The following NTRK2 variants were observed in gnomAD, a reference collection of about 807,000 sequenced individuals.
NTRK2 encodes BDNF/NT-3 growth factors receptor.
Under a neutral mutation model 94.5 loss-of-function variants are expected in NTRK2, and 13 were observed. That is an observed-to-expected ratio of 0.14 (90% confidence interval 0.09 to 0.22). The LOEUF is 0.22. Ranked by LOEUF, NTRK2 falls within the 10% of genes least tolerant of loss-of-function variation. The pLI is 1.00. For missense variants in NTRK2, 639 were observed against 1,071.2 expected, an observed-to-expected ratio of 0.60 and a Z score of 5.63; for synonymous variants, 372 against 407.4, an observed-to-expected ratio of 0.91 and a Z score of 1.05.
chr9:84,830,417 C>T (rs1215888320), intron 12 of NTRK2, among the ~76,000 whole-genome samples: 1 of 152,122 alleles, frequency 6.6e-6, no homozygotes, highest in African/African-American at 2.4e-5. Context: ...CAATAAGTAG[C>T]TGTTAGAAAC....
At chr9:84,747,612 G>T (rs2064205615) in intron 11 of NTRK2, among the ~76,000 whole-genome samples, 1 of 151,706 alleles carries the variant, frequency 6.6e-6, no homozygotes, top group African/African-American at 2.4e-5. Flanking sequence ...CGAGTAGCTG[G>T]GACTACAGCC....
At chr9:84,709,884 G>T (rs2061325101) in intron 5 of NTRK2, among the ~76,000 whole-genome samples, 2 of 151,970 alleles carry the variant, frequency 1.3e-5, no homozygotes, top group Non-Finnish European at 2.9e-5. Flanking sequence ...GGTCTGAATG[G>T]CGGTGGCTTT....
intron 9 of NTRK2, among the ~76,000 whole-genome samples, chr9:84,739,147 T>C (rs2063458294): frequency 6.6e-6 from 1 of 151,924 alleles, no homozygotes; most frequent in Non-Finnish European, 1.5e-5. Flanking sequence ...GCCTCCTGAG[T>C]TCAAGCGATT....
intron 16 of NTRK2, among the ~76,000 whole-genome samples, chr9:84,952,957 C>G (rs944974112): frequency 3.3e-5 from 5 of 152,144 alleles, no homozygotes; most frequent in African/African-American, 1.2e-4. Flanking sequence ...TGTGGCCAAT[C>G]AACAAATTAT....
chr9:84,934,496 A>C (rs965461653), intron 15 of NTRK2, among the ~76,000 whole-genome samples: 13 of 152,310 alleles, frequency 8.5e-5, no homozygotes, highest in African/African-American at 3.1e-4. Context: ...CTCAGTGGCC[A>C]CTGACAAGTC....
At chr9:84,908,672 A>G (rs1302805111) in intron 14 of NTRK2, among the ~76,000 whole-genome samples, 1 of 152,202 alleles carries the variant, frequency 6.6e-6, no homozygotes, top group Non-Finnish European at 1.5e-5. Context: ...TGGGGTATTT[A>G]TGGATAAATA....
At chr9:84,843,595 AG>A in intron 12 of NTRK2, among the ~76,000 whole-genome samples, 1 of 152,278 alleles carries the variant, frequency 6.6e-6, no homozygotes, top group Non-Finnish European at 1.5e-5. Flanking sequence ...GGCTCTCCAA[AG>A]GTGGGTCACG....
intron 14 of NTRK2, among the ~76,000 whole-genome samples, chr9:84,924,250 A>C (rs1404821901): frequency 1.4e-5 from 2 of 147,532 alleles, no homozygotes; most frequent in African/African-American, 5.2e-5. Flanking sequence ...AAAGAAAGAA[A>C]GAAAGAAAGA....
chr9:84,935,586 A>G (rs1000260612), intron 15 of NTRK2, among the ~76,000 whole-genome samples: 1 of 152,166 alleles, frequency 6.6e-6, no homozygotes, highest in African/African-American at 2.4e-5. Flanking sequence ...TTTTCAAATA[A>G]ACATCATCTC....
intron 12 of NTRK2, among the ~76,000 whole-genome samples, chr9:84,762,245 A>G (rs567029739): frequency 6.6e-6 from 1 of 152,324 alleles, no homozygotes; most frequent in South Asian, 2.1e-4. Context: ...TACCTTTGAC[A>G]TTCCAGCTTG....
upstream of NTRK2, chr9:84,669,579 C>CTT (rs2058567547): frequency 6.5e-6 from 1 of 153,362 alleles, no homozygotes; most frequent in East Asian, 1.9e-4. The surrounding 1 kb of genome is among the most constrained non-coding windows in gnomAD (Gnocchi z 4.1). Flanking sequence ...CCTCCCTCCT[C>CTT]CCTGCTCGCC....
At chr9:84,737,784 T>TC (rs929906422) in intron 9 of NTRK2, among the ~76,000 whole-genome samples, 4 of 147,836 alleles carry the variant, frequency 2.7e-5, no homozygotes, top group South Asian at 2.1e-4. Flanking sequence ...TTTTCAGCCT[T>TC]CCCCCCCATC....
rs973202304 is a variant in NTRK2, at chr9:84,707,770, A to C, written c.360-74A>C. Reference sequence around the variant, plus strand: ...AAATAAAATTATATTTTGAAAAACAAATCTCTATTTGAATACTGTGTTCCT... The same window carrying C: ...AAATAAAATTATATTTTGAAAAACACATCTCTATTTGAATACTGTGTTCCT... On this transcript the variant is annotated intron_variant, in intron 4 of 18. Coordinates refer to ENST00000277120, the MANE Select transcript of NTRK2 (RefSeq NM_006180.6). 36 of 1,133,830 alleles carry C rather than the reference A, an allele frequency of 3.2e-5. No individual in the cohort carries two copies. In the South Asian group the frequency reaches 4.4e-4, roughly 14 times the overall value. 70.2% of individuals were successfully genotyped at this position (1,133,830 alleles called of 1,614,324 possible).
chr9:84,753,521 A>G (rs1188694990), intron 12 of NTRK2, among the ~76,000 whole-genome samples: 2 of 152,138 alleles, frequency 1.3e-5, no homozygotes, highest in Non-Finnish European at 2.9e-5. Flanking sequence ...GTTCTCTACA[A>G]TAAACATGGG....
chr9:84,950,138 C>G lies in NTRK2; in HGVS notation c.1937+1504C>G, dbSNP rs148831032. On this transcript the variant is annotated intron_variant, in intron 16 of 18. Transcript: ENST00000277120. ...TGAACTAGAATAAGTATAGAAAGCT[C>G]TTAGCGTAGGAGCGAATGGGGAACG... is the stretch of plus-strand genomic sequence containing the variant. 1.6e-3 allele frequency among the ~76,000 whole-genome samples: 251 copies of G among 152,286 alleles called. 2 individuals carry two copies. The South Asian group carries it at 0.019, about 11-fold the overall frequency.
chr9:84,841,691 C>T (rs142473723), intron 12 of NTRK2, among the ~76,000 whole-genome samples: 6 of 152,318 alleles, frequency 3.9e-5, no homozygotes, highest in African/African-American at 1.2e-4. Context: ...GTCCCGGTCC[C>T]TCCTCCCACC....
intron 17 of NTRK2, among the ~76,000 whole-genome samples, chr9:85,013,539 T>A (rs1288050494): frequency 2.6e-5 from 4 of 152,190 alleles, no homozygotes; most frequent in African/African-American, 9.6e-5. Flanking sequence ...GACCTCGTCA[T>A]CTGCCCACCC....
intron 12 of NTRK2, among the ~76,000 whole-genome samples, chr9:84,788,457 T>G (rs1384945254): frequency 6.6e-6 from 1 of 152,172 alleles, no homozygotes; most frequent in Admixed American, 6.5e-5. Context: ...ATGTGACATG[T>G]TGTGTCATCA....
At chr9:84,818,554 T>G (rs1445141803) in intron 12 of NTRK2, among the ~76,000 whole-genome samples, 1 of 152,262 alleles carries the variant, frequency 6.6e-6, no homozygotes, top group Non-Finnish European at 1.5e-5. Context: ...ACATACATTT[T>G]AAATTTCACC....
Sources: gnomAD v4.1 joint callset for allele counts (sites outside exome capture counted in the v4.1 genomes callset) on GRCh38, gnomAD v4.1.1 for gene constraint, Gnocchi (gnomAD v3.1) non-coding constraint, MANE v1.5 for transcripts, NCBI Gene and HGNC (gene_info 2026-07-23, HGNC 2026-07-21) for gene names.